Variants in PIP5K1A observed in about 807,000 individuals in gnomAD.
The protein encoded by PIP5K1A is phosphatidylinositol-4-phosphate 5-kinase type 1 alpha.
PIP5K1A carries 46 observed loss-of-function variants against 72.9 expected under a neutral mutation model. The observed-to-expected ratio is 0.63, with a 90% CI of 0.50 to 0.81. The LOEUF (loss-of-function observed/expected upper bound fraction) is 0.81. Among genes scored for constraint, PIP5K1A ranks in the 30% least tolerant of loss-of-function variants. PIP5K1A has a pLI of 0.00. For missense variants in PIP5K1A, 458 were observed against 706.1 expected (o/e 0.65, Z 3.98); for synonymous variants, 228 against 255.1 (o/e 0.89, Z 1.01).
intron 4 of PIP5K1A, among the ~76,000 whole-genome samples, chr1:151,230,646 A>G (rs899957769): frequency 3.3e-5 from 5 of 152,110 alleles, no homozygotes; most frequent in African/African-American, 1.2e-4. Flanking sequence ...GCTTCAAGCA[A>G]TTCTCCTGTC....
intron 1 of PIP5K1A, among the ~76,000 whole-genome samples, chr1:151,204,035 A>T (rs1036663667): frequency 1.3e-5 from 2 of 152,032 alleles, no homozygotes; most frequent in Admixed American, 6.6e-5. Context: ...AGGATACAGT[A>T]TTGGAGCATT....
chr1:151,241,881 G>A (rs1691771858), intron 12 of PIP5K1A, among the ~76,000 whole-genome samples: 1 of 151,936 alleles, frequency 6.6e-6, no homozygotes, highest in Admixed American at 6.5e-5. Context: ...GCTCCATGTT[G>A]GGGGGTTAGG....
intron 1 of PIP5K1A, among the ~76,000 whole-genome samples, chr1:151,216,594 TG>T (rs1687654298): frequency 6.6e-6 from 1 of 152,166 alleles, no homozygotes; most frequent in Non-Finnish European, 1.5e-5. Context: ...CATTTCCTTT[TG>T]TTTCAGTAAA....
chr1:151,244,338 A>G (rs879682161), intron 14 of PIP5K1A, among the ~76,000 whole-genome samples: 1 of 152,194 alleles, frequency 6.6e-6, no homozygotes, highest in Non-Finnish European at 1.5e-5. Context: ...TAGTTATCAT[A>G]AATAATCTAG....
chr1:151,201,889 G>A (rs1685265749), intron 1 of PIP5K1A, among the ~76,000 whole-genome samples: 2 of 152,018 alleles, frequency 1.3e-5, no homozygotes, highest in Non-Finnish European at 2.9e-5. Context: ...GCAAAAAGTG[G>A]CTAAATTTCA....
chr1:151,195,884 ATTTTTTTTT>A (rs1157195462), upstream of PIP5K1A, among the ~76,000 whole-genome samples: 22 of 62,306 alleles, frequency 3.5e-4, no homozygotes, highest in South Asian at 1.5e-3. Flanking sequence ...ACACCAGCCG[ATTTTTTTTT>A]TTTTTTTTTT....
rs1263305867 is a variant in PIP5K1A, at chr1:151,198,964, A to G, written c.-33A>G. The G allele has an allele frequency of 6.3e-7, 1 of 1,598,754 alleles. No individual in the cohort carries two copies. The highest frequency in any genetic ancestry group is 1.3e-5 in the African/African-American group (1 of 74,584). ...AAGAGGAAGAACCGGATTGAAAGAGAGCCAGGCCGCTGAGGGGGAGGGGGC... is the reference window on the plus strand; with the variant it reads ...AAGAGGAAGAACCGGATTGAAAGAGGGCCAGGCCGCTGAGGGGGAGGGGGC... On this transcript the variant is annotated 5_prime_UTR_variant, in exon 1 of 16. Transcript: ENST00000368888.
At chr1:151,197,111 C>A (rs1055466175), upstream of PIP5K1A, among the ~76,000 whole-genome samples, 1 of 151,806 alleles carries the variant, frequency 6.6e-6, no homozygotes, top group African/African-American at 2.4e-5. Context: ...ATCCACCTAC[C>A]TCGGCCTCCC....
At chr1:151,243,204 A>AT (rs1692017036) in intron 14 of PIP5K1A, among the ~76,000 whole-genome samples, 1 of 152,248 alleles carries the variant, frequency 6.6e-6, no homozygotes, top group Non-Finnish European at 1.5e-5. Flanking sequence ...TCTGGTCTCC[A>AT]GTAATTTACA....
chr1:151,236,816 C>CTTTT, intron 9 of PIP5K1A, 53 bp downstream of exon 9: 2 of 500,204 alleles, frequency 4.0e-6, no homozygotes, highest in Non-Finnish European at 6.1e-6. Context: ...CAGCACTTTT[C>CTTTT]TTTTCTTTTT....
chr1:151,198,035 T>C (rs1222424467), upstream of PIP5K1A: 1 of 470,778 alleles, frequency 2.1e-6, no homozygotes. Flanking sequence ...AAATATTTAC[T>C]GAACTCCGTC....
At chr1:151,240,960 T>A (rs1273961134) in intron 12 of PIP5K1A, among the ~76,000 whole-genome samples, 1 of 151,348 alleles carries the variant, frequency 6.6e-6, no homozygotes, top group East Asian at 1.9e-4. Context: ...AGGTCAGGAG[T>A]TCGAGACCAG....
intron 1 of PIP5K1A, among the ~76,000 whole-genome samples, chr1:151,216,550 T>C (rs1687647025): frequency 6.6e-6 from 1 of 152,140 alleles, no homozygotes; most frequent in African/African-American, 2.4e-5. Flanking sequence ...GACTACCTTT[T>C]CTCTCCCTTG....
chr1:151,224,489 A>C, intron 3 of PIP5K1A, 83 bp downstream of exon 3: 2 of 989,166 alleles, frequency 2.0e-6, no homozygotes, highest in Non-Finnish European at 3.2e-6. Flanking sequence ...GAGCATTTTT[A>C]ATGTACCAAA....
Position 151,241,248 on chromosome 1 carries a change from T to C in PIP5K1A, c.1364-875T>C, listed in dbSNP as rs1691647203. On this transcript the variant is annotated intron_variant, in intron 12 of 15. Coordinates refer to ENST00000368888, the MANE Select transcript of PIP5K1A (RefSeq NM_001135638.2). ...CAAGCGCAGTGTCTCACACCAGTAA[T>C]CCCAGCATTTTAGGAGGCCGAGGAG... Among the ~76,000 whole-genome samples, 4 of 152,026 alleles carry C rather than the reference T, an allele frequency of 2.6e-5. No individual in the cohort carries two copies. In the South Asian group the frequency reaches 8.3e-4, roughly 32 times the overall value.
intron 1 of PIP5K1A, among the ~76,000 whole-genome samples, chr1:151,203,822 CAAAAAAAA>C (rs587774732): frequency 1.2e-5 from 1 of 83,600 alleles, no homozygotes; most frequent in Non-Finnish European, 2.5e-5. Flanking sequence ...GACTCTGTCT[CAAAAAAAA>C]AAAAAAGAAA....
chr1:151,240,119 C>A, intron 12 of PIP5K1A, 80 bp downstream of exon 12: 1 of 983,196 alleles, frequency 1.0e-6, no homozygotes, highest in Non-Finnish European at 1.6e-6. Flanking sequence ...CAGGACACCT[C>A]TGGTAGGGAG....
chr1:151,239,214 C>T, intron 11 of PIP5K1A, 36 bp downstream of exon 11: 1 of 1,345,172 alleles, frequency 7.4e-7, no homozygotes, highest in Non-Finnish European at 1.1e-6. Context: ...TTACCGTACA[C>T]TTCTGCCTCC....
chr1:151,198,359 T>G (rs965804225), upstream of PIP5K1A, among the ~76,000 whole-genome samples: 4 of 151,906 alleles, frequency 2.6e-5, no homozygotes, highest in African/African-American at 9.7e-5. Flanking sequence ...GAACTGAACC[T>G]AAGAGGACCT....
Sources: gnomAD v4.1 joint callset for allele counts (sites outside exome capture counted in the v4.1 genomes callset) on GRCh38, gnomAD v4.1.1 for gene constraint, MANE v1.5 for transcripts, NCBI Gene and HGNC (gene_info 2026-07-23, HGNC 2026-07-21) for gene names.